TMEM50B: variants seen among roughly 807,000 people sequenced by gnomAD.
TMEM50B encodes transmembrane protein 50B, also known as HCV p7-trans-regulated protein 3.
TMEM50B carries 14 observed loss-of-function variants against 23.4 expected under a neutral mutation model. That is an observed-to-expected ratio of 0.60 (90% CI 0.39 to 0.93). TMEM50B has a LOEUF of 0.93. Ranked by LOEUF, TMEM50B falls within the 40% of genes least tolerant of loss-of-function variation. The probability of loss-of-function intolerance (pLI) is 0.00; values close to 1 mark genes in which losing one functional copy is unlikely to be tolerated. For missense variants in TMEM50B, 159 were observed against 193.0 expected, an observed-to-expected ratio of 0.82 and a Z score of 1.04; for synonymous variants, 64 against 62.3, an observed-to-expected ratio of 1.03 and a Z score of -0.13.
intron 1 of TMEM50B, among the ~76,000 whole-genome samples, chr21:33,472,686 G>A (rs1461839110): frequency 6.6e-6 from 1 of 152,122 alleles, no homozygotes; most frequent in East Asian, 1.9e-4. Context: ...AGACCAGCCT[G>A]GCCAACATGG....
At chr21:33,460,818 T>G (rs550487712) in intron 4 of TMEM50B, among the ~76,000 whole-genome samples, 1 of 152,336 alleles carries the variant, frequency 6.6e-6, no homozygotes, top group East Asian at 1.9e-4. Context: ...AAGTAGCACA[T>G]GTATTCTGGA....
rs117907247 is a variant in TMEM50B, at chr21:33,452,102, T to G, written c.432-1239A>C. ...CAATTGTCATTTAAGTGGATTCATCTACCACCACAAAGTGTTGAATCTGAA... is the reference window on the plus strand; with the variant it reads ...CAATTGTCATTTAAGTGGATTCATCGACCACCACAAAGTGTTGAATCTGAA... On this transcript the variant is annotated intron_variant, in intron 6 of 6. Coordinates refer to ENST00000542230, the MANE Select transcript of TMEM50B (RefSeq NM_006134.7). 2.8e-3 allele frequency among the ~76,000 whole-genome samples: 433 copies of G among 152,358 alleles called. 20 individuals carry two copies. The East Asian group carries it at 0.068, about 24-fold the overall frequency.
At chr21:33,475,749 A>T (rs1031890388) in intron 1 of TMEM50B, among the ~76,000 whole-genome samples, 11 of 151,712 alleles carry the variant, frequency 7.3e-5, no homozygotes, top group Non-Finnish European at 1.5e-4. Flanking sequence ...GGTCAGGAGA[A>T]CAAGACAATC....
downstream of TMEM50B, among the ~76,000 whole-genome samples, chr21:33,447,681 T>TACACACACACACACAC (rs764155101): frequency 1.5e-5 from 2 of 132,044 alleles, no homozygotes; most frequent in Non-Finnish European, 3.2e-5. Context: ...TGTATAGAAA[T>TACACACACACACACAC]ACACACACAC....
chr21:33,455,526 C>A (rs1181389867), intron 6 of TMEM50B, among the ~76,000 whole-genome samples: 1 of 152,112 alleles, frequency 6.6e-6, no homozygotes, highest in Admixed American at 6.5e-5. Context: ...AAGGATCCAG[C>A]TAAAGTCTTG....
chr21:33,450,538 A>AC lies in TMEM50B; in HGVS notation c.*279_*280insG. On this transcript the variant is annotated 3_prime_UTR_variant, in exon 7 of 7. Coordinates refer to ENST00000542230, the MANE Select transcript of TMEM50B (RefSeq NM_006134.7). The stretch of plus-strand genomic sequence containing the variant: ...TACTTCTAAAATGACAAGATGATGT[A>AC]ACCCTGGCTCAGGGAGTAGATCAAG... 3.4e-6 allele frequency: 1 copy of AC among 296,066 alleles called. No individual in the cohort carries two copies. The highest frequency in any genetic ancestry group is 5.7e-5 in the East Asian group (1 of 17,614). 18.3% of individuals were successfully genotyped at this position (296,066 alleles called of 1,614,324 possible).
chr21:33,476,760 C>CAAA lies in TMEM50B; in HGVS notation c.-42+3075_-42+3077dup, dbSNP rs10645412. Among the ~76,000 whole-genome samples, 131 of 68,256 alleles carry CAAA rather than the reference C, an allele frequency of 1.9e-3. 3 individuals carry two copies. The highest frequency in any genetic ancestry group is 5.9e-3 in the African/African-American group (106 of 18,048). 44.8% of individuals were successfully genotyped at this position (68,256 alleles called of 152,430 possible). ...TGGGCGACAGAGTGAGACTCCATCTCAAAAAAAAAAAAAAAAAAACAACTT... is the reference window on the plus strand; with the variant it reads ...TGGGCGACAGAGTGAGACTCCATCTCAAAAAAAAAAAAAAAAAAAAAACAACTT... On this transcript the variant is annotated intron_variant, in intron 1 of 6. Transcript: ENST00000542230.
rs115783186 is a variant in TMEM50B at position 33,441,376 on chromosome 21, A to G, written c.*2037-2079T>C. Reference sequence around the variant, plus strand: ...GGGAATAGGGTATTACAAGGGGAACACGTGTGCCAGAGTAAACTATGTACA... The same window carrying G: ...GGGAATAGGGTATTACAAGGGGAACGCGTGTGCCAGAGTAAACTATGTACA... On this transcript the variant is annotated intron_variant and NMD_transcript_variant, in intron 7 of 8. Coordinates refer to the TMEM50B transcript ENST00000420455. 6.6e-3 allele frequency among the ~76,000 whole-genome samples: 1,000 copies of G among 152,332 alleles called. 13 individuals carry two copies. The highest frequency in any genetic ancestry group is 0.023 in the African/African-American group (964 of 41,570).
intron 7 of TMEM50B, among the ~76,000 whole-genome samples, chr21:33,443,215 A>G (rs1037297515): frequency 3.9e-5 from 6 of 152,242 alleles, no homozygotes; most frequent in African/African-American, 9.6e-5. Flanking sequence ...TTTGCCTGGC[A>G]TAAAATTCAA....
intron 5 of TMEM50B, chr21:33,456,006 A>G (rs1397342917): frequency 1.4e-6 from 1 of 697,856 alleles, no homozygotes; most frequent in South Asian, 1.5e-5. Context: ...GAACTTACAA[A>G]GTTTTCTTTT....
chr21:33,474,416 C>T (rs563201493), intron 1 of TMEM50B, among the ~76,000 whole-genome samples: 44 of 151,314 alleles, frequency 2.9e-4, no homozygotes, highest in Non-Finnish European at 5.6e-4. Flanking sequence ...ACCAAACCTG[C>T]GCTAAGAAAG....
At chr21:33,473,854 CA>C (rs1265242304) in intron 1 of TMEM50B, among the ~76,000 whole-genome samples, 1 of 152,062 alleles carries the variant, frequency 6.6e-6, no homozygotes, top group African/African-American at 2.4e-5. Context: ...AATTCAGCAA[CA>C]AAAAGGAAAG....
chr21:33,447,946 CATA>C (rs1183851677), downstream of TMEM50B, among the ~76,000 whole-genome samples: 1 of 152,174 alleles, frequency 6.6e-6, no homozygotes, highest in Non-Finnish European at 1.5e-5. Flanking sequence ...TGCCCTAACT[CATA>C]ATATTTCTAA....
chr21:33,475,725 T>C (rs539183804), intron 1 of TMEM50B, among the ~76,000 whole-genome samples: 1 of 151,928 alleles, frequency 6.6e-6, no homozygotes, highest in East Asian at 2.0e-4. Context: ...GAGGCCAAGG[T>C]GGGCAGATCA....
At chr21:33,474,922 G>T (rs1255853469) in intron 1 of TMEM50B, among the ~76,000 whole-genome samples, 1 of 149,436 alleles carries the variant, frequency 6.7e-6, no homozygotes, top group Non-Finnish European at 1.5e-5. Flanking sequence ...CAAACATTTT[G>T]TTCCCCCACC....
chr21:33,474,937 C>A (rs1045670144), intron 1 of TMEM50B, among the ~76,000 whole-genome samples: 13 of 150,770 alleles, frequency 8.6e-5, no homozygotes, highest in Non-Finnish European at 1.8e-4. Flanking sequence ...CCCACCGCCA[C>A]CACCCCCAAG....
chr21:33,448,603 C>A (rs2084087587), downstream of TMEM50B, among the ~76,000 whole-genome samples: 1 of 152,146 alleles, frequency 6.6e-6, no homozygotes, highest in Non-Finnish European at 1.5e-5. Flanking sequence ...GCCTCAGCCT[C>A]CCAAGTAGCT....
chr21:33,446,078 T>C (rs571052008), downstream of TMEM50B, among the ~76,000 whole-genome samples: 11 of 152,168 alleles, frequency 7.2e-5, no homozygotes, highest in South Asian at 2.3e-3. Context: ...CCATTTTTAT[T>C]CCCCATAATC....
chr21:33,432,852 T>G (rs2083902878), intron 8 of TMEM50B: 1 of 1,612,886 alleles, frequency 6.2e-7, no homozygotes, highest in Non-Finnish European at 8.5e-7. Context: ...CCACCAAGCA[T>G]CCCATTACAG....
Sources: gnomAD v4.1 joint callset for allele counts (sites outside exome capture counted in the v4.1 genomes callset) on GRCh38, gnomAD v4.1.1 for gene constraint, MANE v1.5 for transcripts, NCBI Gene and HGNC (gene_info 2026-07-23, HGNC 2026-07-21) for gene names.